ADGRB3: variants seen among roughly 807,000 people sequenced by gnomAD.
ADGRB3 encodes the protein brain-specific angiogenesis inhibitor 3.
A neutral mutation model predicts 193.4 loss-of-function variants in ADGRB3; 37 were observed. That is an observed-to-expected ratio of 0.19 (90% CI 0.15 to 0.25). The LOEUF is 0.25. Among genes scored for constraint, ADGRB3 ranks in the 10% least tolerant of loss-of-function variants. The probability of loss-of-function intolerance (pLI) is 1.00; values close to 1 mark genes in which losing one functional copy is unlikely to be tolerated. For synonymous variants in ADGRB3, 690 were observed against 644.2 expected (o/e 1.07, Z -1.08); for missense variants, 1,637 against 1,852.9 (o/e 0.88, Z 2.14).
chr6:69,231,720 C>T (rs1766144145), intron 17 of ADGRB3, among the ~76,000 whole-genome samples: 1 of 152,102 alleles, frequency 6.6e-6, no homozygotes, highest in African/African-American at 2.4e-5. Context: ...AGAGACCTAA[C>T]ACATTCAAAA....
At chr6:68,893,903 G>C (rs556298209) in intron 3 of ADGRB3, among the ~76,000 whole-genome samples, 1 of 151,524 alleles carries the variant, frequency 6.6e-6, no homozygotes, top group Non-Finnish European at 1.5e-5. Flanking sequence ...ACTTAATCTG[G>C]TATTTAACTT....
intron 17 of ADGRB3, among the ~76,000 whole-genome samples, chr6:69,149,793 G>T (rs1458435733): frequency 2.0e-5 from 3 of 152,136 alleles, no homozygotes; most frequent in Admixed American, 6.5e-5. Context: ...GTAATGCTGC[G>T]GCTCTTGCAG....
intron 20 of ADGRB3, among the ~76,000 whole-genome samples, chr6:69,287,491 A>G (rs941244881): frequency 6.6e-6 from 1 of 152,230 alleles, no homozygotes; most frequent in Non-Finnish European, 1.5e-5. Context: ...AGGAAAAAAA[A>G]CAAACTGAAT....
chr6:68,984,698 G>A (rs898368664), intron 10 of ADGRB3, among the ~76,000 whole-genome samples: 11 of 151,936 alleles, frequency 7.2e-5, no homozygotes, highest in African/African-American at 2.4e-4. Flanking sequence ...TAAAAATTTA[G>A]AAGAGAAACA....
chr6:68,745,114 G>A (rs984593154), intron 3 of ADGRB3, among the ~76,000 whole-genome samples: 2 of 152,124 alleles, frequency 1.3e-5, no homozygotes, highest in Non-Finnish European at 2.9e-5. Context: ...ATAATTGAAA[G>A]CAGAGTTCTG....
chr6:68,732,656 G>T (rs1481493929), intron 3 of ADGRB3, among the ~76,000 whole-genome samples: 1 of 151,886 alleles, frequency 6.6e-6, no homozygotes, highest in Non-Finnish European at 1.5e-5. Flanking sequence ...AAGTGCCTGA[G>T]ATCGTTCTGC....
At chr6:68,884,381 C>T (rs1765841333) in intron 3 of ADGRB3, among the ~76,000 whole-genome samples, 1 of 152,004 alleles carries the variant, frequency 6.6e-6, no homozygotes, top group Non-Finnish European at 1.5e-5. Flanking sequence ...TGGAGGGTGT[C>T]AGGAGATAAA....
chr6:69,120,966 T>C (rs1270992572), intron 17 of ADGRB3, among the ~76,000 whole-genome samples: 1 of 151,700 alleles, frequency 6.6e-6, no homozygotes, highest in Non-Finnish European at 1.5e-5. Flanking sequence ...ACTGTTTCGA[T>C]ATGAATTTGT....
chr6:69,125,880 G>A (rs974635298), intron 17 of ADGRB3, among the ~76,000 whole-genome samples: 3 of 151,952 alleles, frequency 2.0e-5, no homozygotes, highest in African/African-American at 4.8e-5. Flanking sequence ...CCATGTTCTC[G>A]AGATTTGAAC....
chr6:69,047,282 A>G (rs1306670217), intron 13 of ADGRB3, among the ~76,000 whole-genome samples: 1 of 152,064 alleles, frequency 6.6e-6, no homozygotes, highest in Non-Finnish European at 1.5e-5. Flanking sequence ...ACCTATCCAA[A>G]AGTTTTACAA....
intron 30 of ADGRB3, among the ~76,000 whole-genome samples, chr6:69,375,832 A>C (rs1769805012): frequency 6.6e-6 from 1 of 151,994 alleles, no homozygotes; most frequent in African/African-American, 2.4e-5. Flanking sequence ...AATCCCGGCT[A>C]CTTGGGAGGC....
chr6:69,025,523 CTTT>C (rs5877186), intron 13 of ADGRB3, among the ~76,000 whole-genome samples: 9 of 139,636 alleles, frequency 6.4e-5, no homozygotes, highest in Admixed American at 2.1e-4. Flanking sequence ...CACAATTTAA[CTTT>C]TTTTTTTTTT....
chr6:69,238,089 G>A lies in ADGRB3; in HGVS notation c.2712-1035G>A, dbSNP rs1766307907. Among the ~76,000 whole-genome samples the A allele has an allele frequency of 2.6e-5, 4 of 152,024 alleles. 1 individual carries two copies. The highest frequency in any genetic ancestry group is 7.2e-5 in the African/African-American group (3 of 41,388). Reference sequence around the variant, plus strand: ...GGGTTCTACCTTGATTGTCCTCAAAGACAGGGAGAGAGAGAGACAGACAGA... The same window carrying A: ...GGGTTCTACCTTGATTGTCCTCAAAAACAGGGAGAGAGAGAGACAGACAGA... On this transcript the variant is annotated intron_variant, in intron 19 of 31. Transcript: ENST00000370598.
chr6:69,038,765 T>C (rs1770947081), intron 13 of ADGRB3, among the ~76,000 whole-genome samples: 2 of 152,310 alleles, frequency 1.3e-5, no homozygotes, highest in South Asian at 4.1e-4. Context: ...GTGACAAAAC[T>C]AAGAAGTCTT....
At chr6:69,032,682 T>C (rs1022804372) in intron 13 of ADGRB3, among the ~76,000 whole-genome samples, 1 of 152,218 alleles carries the variant, frequency 6.6e-6, no homozygotes, top group Non-Finnish European at 1.5e-5. Flanking sequence ...CTTCCTTCAC[T>C]GAATTCCAAA....
At chr6:68,876,066 T>C (rs1415005187) in intron 3 of ADGRB3, among the ~76,000 whole-genome samples, 1 of 152,108 alleles carries the variant, frequency 6.6e-6, no homozygotes, top group African/African-American at 2.4e-5. Flanking sequence ...ATTCGGCTAC[T>C]CTTAATTTTA....
intron 3 of ADGRB3, among the ~76,000 whole-genome samples, chr6:68,680,388 G>A (rs867088266): frequency 6.6e-6 from 1 of 152,158 alleles, no homozygotes; most frequent in Admixed American, 6.5e-5. Context: ...CAAGAGAGAG[G>A]AGAAAGAGAC....
chr6:68,725,816 T>C (rs949644107), intron 3 of ADGRB3, among the ~76,000 whole-genome samples: 1 of 151,450 alleles, frequency 6.6e-6, no homozygotes, highest in Non-Finnish European at 1.5e-5. Flanking sequence ...AGGGGGACCA[T>C]TGACAGATGT....
chr6:69,004,563 C>A (rs182505308), intron 11 of ADGRB3, among the ~76,000 whole-genome samples: 3 of 125,908 alleles, frequency 2.4e-5, no homozygotes, highest in Admixed American at 8.6e-5. Flanking sequence ...TCCCTCCCCC[C>A]TCCCCCGACC....
Sources: allele counts gnomAD v4.1 joint callset (sites outside exome capture counted in the v4.1 genomes callset), GRCh38; gene constraint gnomAD v4.1.1; transcripts MANE v1.5; gene names NCBI Gene and HGNC (gene_info 2026-07-23, HGNC 2026-07-21).